FIP1L1: variants seen among roughly 807,000 people sequenced by gnomAD.
The protein encoded by FIP1L1 is factor interacting with PAPOLA and CPSF1.
FIP1L1 carries 21 observed loss-of-function variants against 84.6 expected under a neutral mutation model. The observed-to-expected ratio is 0.25, with a 90% confidence interval of 0.18 to 0.36. The LOEUF (loss-of-function observed/expected upper bound fraction) is 0.36, where lower values mean the gene tolerates loss of function less well. FIP1L1 is among the 10% of genes least tolerant of loss of function. The pLI, the probability that FIP1L1 is intolerant of heterozygous loss-of-function variation, is 1.00. For missense variants in FIP1L1, 526 were observed against 751.1 expected, an observed-to-expected ratio of 0.70 and a Z score of 3.50; for synonymous variants, 263 against 242.3, an observed-to-expected ratio of 1.09 and a Z score of -0.80.
intron 2 of FIP1L1, 49 bp from the exon 3 acceptor site, chr4:53,379,176 T>A: frequency 6.2e-7 from 1 of 1,605,182 alleles, no homozygotes; most frequent in Non-Finnish European, 8.5e-7. Flanking sequence ...TAAGAGTGGT[T>A]TCTTTATTTT....
intron 13 of FIP1L1, among the ~76,000 whole-genome samples, chr4:53,437,326 C>CAAAAAAAAAAAAA (rs55957570): frequency 1.6e-5 from 1 of 64,510 alleles, no homozygotes; most frequent in African/African-American, 5.4e-5. Context: ...CTGTCTCAAC[C>CAAAAAAAAAAAAA]AAAAAAAAAA....
intron 5 of FIP1L1, among the ~76,000 whole-genome samples, chr4:53,386,617 G>C (rs1741215117): frequency 6.6e-6 from 1 of 152,170 alleles, no homozygotes; most frequent in South Asian, 2.1e-4. Flanking sequence ...TAATTTTTGA[G>C]ATGGGAGACA....
In FIP1L1 at chr4:53,390,541, G is replaced by C; in HGVS notation, c.418G>C (p.Asp140His). Residue 140 changes from aspartate (D) to histidine (H), a missense_variant, in exon 7 of 18, where the codon GAC becomes CAC. Around this residue, in one of 6 missense-constraint regions of FIP1L1, gnomAD observed 169 missense variants for 206.9 expected, o/e 0.82. Transcript: ENST00000337488. Reference protein sequence around the residue: ...GTTGTKVKGVDLDAPGSINGV... With the variant: ...GTTGTKVKGVHLDAPGSINGV... ...AACAGGGACAAAAGTCAAAGGAGTA[G>C]ACCTTGATGCACCTGGAAGCATTAA... The C allele has an allele frequency of 6.2e-7, 1 of 1,612,114 alleles. No homozygotes were observed. The highest frequency in any genetic ancestry group is 8.5e-7 in the Non-Finnish European group (1 of 1,178,548).
At chr4:53,445,403 C>G (rs1404748603) in intron 15 of FIP1L1, among the ~76,000 whole-genome samples, 1 of 151,794 alleles carries the variant, frequency 6.6e-6, no homozygotes, top group Non-Finnish European at 1.5e-5. Flanking sequence ...TAGGATGGAC[C>G]CTGTATTAAA....
At chr4:53,411,688 T>C (rs534738881) in intron 10 of FIP1L1, among the ~76,000 whole-genome samples, 25 of 152,202 alleles carry the variant, frequency 1.6e-4, no homozygotes, top group Non-Finnish European at 3.5e-4. Context: ...CTTATTAATG[T>C]ATATGTAAGT....
intron 16 of FIP1L1, 72 bp from the exon 17 acceptor site, chr4:53,458,581 C>G (rs1261263209): frequency 2.0e-6 from 3 of 1,497,236 alleles, no homozygotes; most frequent in Non-Finnish European, 2.7e-6. Flanking sequence ...CAGATCACAT[C>G]TCTTTTACAG....
intron 16 of FIP1L1, among the ~76,000 whole-genome samples, chr4:53,453,859 T>C (rs1717475442): frequency 1.3e-5 from 2 of 152,202 alleles, no homozygotes; most frequent in South Asian, 4.1e-4. Context: ...ACTATAGTGA[T>C]TTTCCAAAAT....
intron 9 of FIP1L1, among the ~76,000 whole-genome samples, chr4:53,392,112 C>G (rs769239213): frequency 1.3e-5 from 2 of 152,230 alleles, no homozygotes; most frequent in Non-Finnish European, 2.9e-5. Context: ...TCTGGCTTCT[C>G]CATTCCATGG....
At chr4:53,395,018 T>C (rs1010890633) in intron 9 of FIP1L1, among the ~76,000 whole-genome samples, 1 of 152,184 alleles carries the variant, frequency 6.6e-6, no homozygotes, top group African/African-American at 2.4e-5. Flanking sequence ...GGTTGTAGAC[T>C]TAAGTTTTGT....
chr4:53,391,568 C>A, intron 9 of FIP1L1, 70 bp downstream of exon 9: 1 of 1,088,718 alleles, frequency 9.2e-7, no homozygotes, highest in Non-Finnish European at 1.4e-6. Context: ...TGCCACTACT[C>A]AAGGGACAAG....
intron 5 of FIP1L1, among the ~76,000 whole-genome samples, chr4:53,385,244 A>C (rs1368444164): frequency 6.6e-6 from 1 of 152,136 alleles, no homozygotes; most frequent in Admixed American, 6.5e-5. Context: ...TGTTCATTAA[A>C]TGTTATGTAA....
At chr4:53,408,684 T>C (rs1481251609) in intron 10 of FIP1L1, among the ~76,000 whole-genome samples, 1 of 152,148 alleles carries the variant, frequency 6.6e-6, no homozygotes. Flanking sequence ...CTTGGAGGCT[T>C]TGTTCGTTTC....
intron 11 of FIP1L1, among the ~76,000 whole-genome samples, chr4:53,424,049 C>T: frequency 6.6e-6 from 1 of 152,028 alleles, no homozygotes; most frequent in East Asian, 1.9e-4. Context: ...ATCTGACTTG[C>T]AAGTCCAAAC....
intron 9 of FIP1L1, among the ~76,000 whole-genome samples, chr4:53,395,748 G>A (rs1213754230): frequency 2.6e-5 from 4 of 151,936 alleles, no homozygotes; most frequent in Non-Finnish European, 4.4e-5. Flanking sequence ...GTGTGTGCGT[G>A]TGTGTGTGTA....
Position 53,399,333 on chromosome 4 carries a change from A to G in FIP1L1, c.706-397A>G, listed in dbSNP as rs191840085. On this transcript the variant is annotated intron_variant, in intron 9 of 17. Coordinates refer to ENST00000337488, the MANE Select transcript of FIP1L1 (RefSeq NM_030917.4). Reference sequence around the variant, plus strand: ...GTCAGAATGGCTAAAATGGTCACCTATTGTTTTCTTAGAATAAGGGTGGTG... The same window carrying G: ...GTCAGAATGGCTAAAATGGTCACCTGTTGTTTTCTTAGAATAAGGGTGGTG... Among the ~76,000 whole-genome samples the G allele has an allele frequency of 4.5e-3, 685 of 152,322 alleles. 5 individuals carry two copies. The highest frequency in any genetic ancestry group is 0.034 in the Middle Eastern group (10 of 294).
At chr4:53,439,554 T>A (rs1157355398) in intron 13 of FIP1L1, among the ~76,000 whole-genome samples, 1 of 152,108 alleles carries the variant, frequency 6.6e-6, no homozygotes, top group Non-Finnish European at 1.5e-5. Context: ...CTGTTTCTTT[T>A]TTTGGCATAC....
chr4:53,458,495 CCT>C (rs1720689956), intron 16 of FIP1L1, 156 bp from the exon 17 acceptor site: 1 of 560,552 alleles, frequency 1.8e-6, no homozygotes, highest in African/African-American at 1.9e-5. Context: ...GCATTATTTT[CCT>C]CTCAATTCAA....
chr4:53,425,365 A>C (rs942826745), intron 11 of FIP1L1, among the ~76,000 whole-genome samples: 2 of 152,128 alleles, frequency 1.3e-5, no homozygotes, highest in Admixed American at 6.5e-5. Flanking sequence ...AGTTATCAGA[A>C]ATGGCAAACT....
intron 13 of FIP1L1, chr4:53,440,529 T>C: frequency 2.6e-6 from 3 of 1,174,714 alleles, no homozygotes; most frequent in Non-Finnish European, 3.7e-6. Flanking sequence ...CATAAATACA[T>C]AACAGGTTCT....
Sources: gnomAD v4.1 joint callset for allele counts (sites outside exome capture counted in the v4.1 genomes callset) on GRCh38, gnomAD v4.1.1 for gene constraint, gnomAD v4.1.1 regional missense constraint, MANE v1.5 for transcripts, NCBI Gene and HGNC (gene_info 2026-07-23, HGNC 2026-07-21) for gene names.